Variants in EXOC4 observed in about 807,000 individuals in gnomAD.
EXOC4 encodes the protein exocyst complex component 4.
EXOC4 carries 71 observed loss-of-function variants against 107.2 expected under a neutral mutation model. That is an observed-to-expected ratio of 0.66 (90% CI 0.55 to 0.81). The LOEUF is 0.81. EXOC4 is among the 30% of genes least tolerant of loss of function. The pLI, the probability that EXOC4 is intolerant of heterozygous loss-of-function variation, is 0.00. For missense variants in EXOC4, 1,108 were observed against 1,189.6 expected, an observed-to-expected ratio of 0.93 and a Z score of 1.01; for synonymous variants, 456 against 441.2, an observed-to-expected ratio of 1.03 and a Z score of -0.42.
intron 10 of EXOC4, among the ~76,000 whole-genome samples, chr7:133,711,933 G>A (rs917243418): frequency 6.6e-6 from 1 of 152,056 alleles, no homozygotes; most frequent in East Asian, 1.9e-4. Context: ...TGCTCTAAAA[G>A]TTTCCCCACA....
chr7:133,564,926 G>C (rs2150953854), intron 9 of EXOC4, among the ~76,000 whole-genome samples: 1 of 152,270 alleles, frequency 6.6e-6, no homozygotes, highest in African/African-American at 2.4e-5. Flanking sequence ...CAGTGTTCCA[G>C]GGGTTCCAGG....
intron 1 of EXOC4, among the ~76,000 whole-genome samples, chr7:133,264,338 A>C (rs1793665212): frequency 6.6e-6 from 1 of 152,200 alleles, no homozygotes. Context: ...TTTTCAATTG[A>C]CTTTAAAGCA....
At chr7:134,098,235 GT>G in the EXOC4 span, among the ~76,000 whole-genome samples, 1 of 152,068 alleles carries the variant, frequency 6.6e-6, no homozygotes, top group Non-Finnish European at 1.5e-5. Context: ...CCGCCAGTGG[GT>G]TTGCTGGAAG....
intron 10 of EXOC4, among the ~76,000 whole-genome samples, chr7:133,750,833 G>T (rs561687482): frequency 6.6e-6 from 1 of 152,206 alleles, no homozygotes; most frequent in Non-Finnish European, 1.5e-5. Flanking sequence ...TTCTTACCTT[G>T]TCCTCCCAAA....
At chr7:133,275,198 G>A (rs199649789) in intron 2 of EXOC4, 27 bp downstream of exon 2, 3 of 1,544,488 alleles carry the variant, frequency 1.9e-6, no homozygotes, top group East Asian at 4.5e-5. Context: ...GTCTGATGGT[G>A]GCAGCACTTC....
At chr7:133,566,596 T>C (rs972461607) in intron 9 of EXOC4, among the ~76,000 whole-genome samples, 1 of 152,206 alleles carries the variant, frequency 6.6e-6, no homozygotes, top group African/African-American at 2.4e-5. Context: ...GAAACATCAC[T>C]GATTCATGGT....
intron 10 of EXOC4, among the ~76,000 whole-genome samples, chr7:133,665,346 G>A (rs1793788218): frequency 6.6e-6 from 1 of 152,070 alleles, no homozygotes; most frequent in South Asian, 2.1e-4. Flanking sequence ...GTACAAATAC[G>A]CTTCATAAAT....
chr7:133,577,746 A>G (rs908579480), intron 9 of EXOC4, among the ~76,000 whole-genome samples: 5 of 152,194 alleles, frequency 3.3e-5, no homozygotes, highest in Admixed American at 2.0e-4. Flanking sequence ...TAGAGATAAA[A>G]TTTGTTTTCC....
intron 10 of EXOC4, among the ~76,000 whole-genome samples, chr7:133,782,722 C>T (rs190864219): frequency 1.3e-5 from 2 of 152,224 alleles, no homozygotes; most frequent in Admixed American, 1.3e-4. Context: ...ATGACTGTCA[C>T]CTTAGATTAA....
intron 7 of EXOC4, among the ~76,000 whole-genome samples, chr7:133,454,084 G>A (rs1382975511): frequency 1.3e-5 from 2 of 152,108 alleles, no homozygotes; most frequent in African/African-American, 4.8e-5. Flanking sequence ...GCTTTTAATT[G>A]TCAATCTTAA....
chr7:133,465,205 A>T (rs1798699186), intron 7 of EXOC4, among the ~76,000 whole-genome samples: 1 of 152,210 alleles, frequency 6.6e-6, no homozygotes, highest in Non-Finnish European at 1.5e-5. Flanking sequence ...GTAAATAGGT[A>T]GAATGAACTT....
rs780070754 is a variant in EXOC4, at chr7:133,505,249, A to G, written c.1417+25111A>G. On this transcript the variant is annotated intron_variant, in intron 9 of 17. Coordinates refer to ENST00000253861, the MANE Select transcript of EXOC4 (RefSeq NM_021807.4). ...TATCTGCTTTTTGAAAAACACATTT[A>G]AATGAGTTCTTAATGATTCCCAGGA... Among the ~76,000 whole-genome samples, 244 of 152,234 alleles carry G rather than the reference A, an allele frequency of 1.6e-3. 1 individual carries two copies. Among genetic ancestry groups the G allele is most frequent in the African/African-American group, 5.5e-3 (230 of 41,540 alleles).
At chr7:133,606,286 A>G (rs1801943817) in intron 9 of EXOC4, among the ~76,000 whole-genome samples, 1 of 151,704 alleles carries the variant, frequency 6.6e-6, no homozygotes, top group South Asian at 2.1e-4. Context: ...AGGGTTCACT[A>G]GTTATCTGCC....
intron 9 of EXOC4, among the ~76,000 whole-genome samples, chr7:133,593,553 T>C (rs188132113): frequency 5.3e-5 from 8 of 152,322 alleles, no homozygotes; most frequent in African/African-American, 1.9e-4. Context: ...TGAAGTTCAG[T>C]TGTCAGATCT....
chr7:133,820,154 A>ATTTTTTTTTT (rs35640945), intron 11 of EXOC4, among the ~76,000 whole-genome samples: 2 of 70,298 alleles, frequency 2.8e-5, no homozygotes, highest in Non-Finnish European at 2.8e-5. Flanking sequence ...CACCTGCTTC[A>ATTTTTTTTTT]TTTTTTTTTT....
intron 11 of EXOC4, among the ~76,000 whole-genome samples, chr7:133,825,901 A>C (rs2151230629): frequency 6.6e-6 from 1 of 152,310 alleles, no homozygotes; most frequent in Middle Eastern, 3.4e-3. Context: ...GTGCTAAAAT[A>C]AGTCTTAGAA....
At chr7:133,805,329 A>T (rs1797049155) in intron 10 of EXOC4, among the ~76,000 whole-genome samples, 1 of 152,206 alleles carries the variant, frequency 6.6e-6, no homozygotes, top group African/African-American at 2.4e-5. Flanking sequence ...GTAGAAATAG[A>T]CCACATGATC....
At chr7:133,532,570 A>G (rs908611141) in intron 9 of EXOC4, among the ~76,000 whole-genome samples, 3 of 152,138 alleles carry the variant, frequency 2.0e-5, no homozygotes, top group Admixed American at 1.3e-4. Context: ...ACATAGTTCT[A>G]GGAGAAAGCT....
At chr7:133,364,906 T>C (rs1307806069) in intron 6 of EXOC4, among the ~76,000 whole-genome samples, 2 of 152,188 alleles carry the variant, frequency 1.3e-5, no homozygotes, top group African/African-American at 4.8e-5. Flanking sequence ...TTAGAAGTAG[T>C]CTTTTTCCAC....
Sources: gnomAD v4.1 joint callset for allele counts (sites outside exome capture counted in the v4.1 genomes callset) on GRCh38, gnomAD v4.1.1 for gene constraint, MANE v1.5 for transcripts, NCBI Gene and HGNC (gene_info 2026-07-23, HGNC 2026-07-21) for gene names.